PLEKHM3: variants seen among roughly 807,000 people sequenced by gnomAD.
PLEKHM3 encodes the protein pleckstrin homology domain-containing family M member 3.
A neutral mutation model predicts 81.8 loss-of-function variants in PLEKHM3; 45 were observed. The observed-to-expected ratio is 0.55, with a 90% confidence interval of 0.43 to 0.71. The LOEUF is 0.71. PLEKHM3 is among the 30% of genes least tolerant of loss of function. PLEKHM3 has a pLI of 0.00. For missense variants in PLEKHM3, 788 were observed against 924.3 expected (o/e 0.85, Z 1.91); for synonymous variants, 352 against 356.4 (o/e 0.99, Z 0.14).
At chr2:207,966,508 G>C (rs909783811) in intron 3 of PLEKHM3, among the ~76,000 whole-genome samples, 1 of 152,096 alleles carries the variant, frequency 6.6e-6, no homozygotes. Flanking sequence ...TGCATGCTAC[G>C]GTTTTTAGCT....
intron 2 of PLEKHM3, among the ~76,000 whole-genome samples, chr2:207,983,416 G>C (rs1574467822): frequency 6.6e-6 from 1 of 152,134 alleles, no homozygotes; most frequent in South Asian, 2.1e-4. Context: ...AGAGTCAACT[G>C]TAATATAATT....
chr2:208,008,836 G>C (rs1574488322), intron 1 of PLEKHM3, among the ~76,000 whole-genome samples: 1 of 152,152 alleles, frequency 6.6e-6, no homozygotes, highest in Non-Finnish European at 1.5e-5. Context: ...TCTCTGGCTA[G>C]AGCTACATGA....
chr2:207,888,862 G>C (rs894707308), intron 6 of PLEKHM3, among the ~76,000 whole-genome samples: 4 of 152,202 alleles, frequency 2.6e-5, no homozygotes, highest in Non-Finnish European at 5.9e-5. Context: ...AATAAACTCA[G>C]GGGCAATGCT....
chr2:207,858,862 G>T (rs1376744190), intron 7 of PLEKHM3, among the ~76,000 whole-genome samples: 1 of 152,050 alleles, frequency 6.6e-6, no homozygotes, highest in Non-Finnish European at 1.5e-5. Context: ...AATTTTTAGT[G>T]TAGTCATAAG....
intron 1 of PLEKHM3, among the ~76,000 whole-genome samples, chr2:208,013,475 C>T (rs1692771534): frequency 1.3e-5 from 2 of 151,906 alleles, no homozygotes; most frequent in South Asian, 4.2e-4. Context: ...GAGATCACAC[C>T]ACTGCACTCC....
At position 207,946,430 on chromosome 2, in the gene PLEKHM3, G is replaced by A. The variant is rs772055622; in HGVS notation, c.1629C>T (p.His543=). The A allele has an allele frequency of 3.0e-5, 49 of 1,614,008 alleles. No individual in the cohort carries two copies. Among genetic ancestry groups the A allele is most frequent in the Non-Finnish European group, 3.7e-5 (44 of 1,179,996 alleles). The change falls in exon 4 of 8, where the codon CAC becomes CAT. Residue 543 remains histidine (H), a synonymous_variant. Transcript: ENST00000427836. The part of the protein sequence containing the change: ...YSGWYYCSSC[H]VDDSFLIPAR... ...CTGGAATGAGAAAGCTGTCATCCAC[G>A]TGGCAGCTACTGCAGTAATACCACC...
rs574973770 is a variant in PLEKHM3 at position 207,821,575 on chromosome 2, G to C, written c.*6744C>G. Reference sequence around the variant, plus strand: ...TAACACAAAGTGATATAACAGCCCAGACCCAAAATTTTAGTCATTTCTGTA... The same window carrying C: ...TAACACAAAGTGATATAACAGCCCACACCCAAAATTTTAGTCATTTCTGTA... On this transcript the variant is annotated 3_prime_UTR_variant, in exon 8 of 8. Transcript: ENST00000427836. The C allele has an allele frequency of 6.6e-6, 1 of 152,176 alleles. No individual in the cohort carries two copies. Among genetic ancestry groups the C allele is most frequent in the African/African-American group, 2.4e-5 (1 of 41,526 alleles). The allele number at this position is 152,176 out of a possible 1,614,324, so 9.4% of individuals were successfully genotyped here. A position where few individuals can be genotyped will look rare whatever the true frequency, so the allele number is the denominator to read the frequency against.
chr2:207,931,021 C>T lies in PLEKHM3; in HGVS notation c.1791G>A (p.Pro597=), dbSNP rs776971298. ...GCCGCAGCCGCAGCACGGCGGCCAGCGGCTCTGCGTGGTGGTACAGCATGG... is the reference window on the plus strand; with the variant it reads ...GCCGCAGCCGCAGCACGGCGGCCAGTGGCTCTGCGTGGTGGTACAGCATGG... ...ENAMLYHHAE[P]LAAVLRLRQR... is the part of the protein sequence containing the mutation. Residue 597 remains proline, a synonymous_variant, in exon 5 of 8, where the codon CCG becomes CCA. Coordinates refer to ENST00000427836, the MANE Select transcript of PLEKHM3 (RefSeq NM_001080475.3). 37 of 1,613,880 alleles carry T rather than the reference C, an allele frequency of 2.3e-5. 1 individual carries two copies. In the South Asian group the frequency reaches 4.1e-4, roughly 18 times the overall value.
intron 5 of PLEKHM3, among the ~76,000 whole-genome samples, chr2:207,921,140 C>T (rs1340792385): frequency 1.3e-5 from 2 of 152,158 alleles, no homozygotes; most frequent in Non-Finnish European, 2.9e-5. Context: ...GTTCCGCCTC[C>T]TGGGTTCAAG....
At chr2:207,908,696 A>T in intron 5 of PLEKHM3, 119 bp from the exon 6 acceptor site, 1 of 815,658 alleles carries the variant, frequency 1.2e-6, no homozygotes, top group Non-Finnish European at 1.9e-6. Context: ...TTCCACCTAT[A>T]CTTCTCCTAA....
intron 7 of PLEKHM3, among the ~76,000 whole-genome samples, chr2:207,830,678 AAGAAGGACACTTCTTCT>A (rs1185605715): frequency 2.8e-5 from 4 of 143,902 alleles, no homozygotes; most frequent in Non-Finnish European, 6.2e-5. Context: ...GTGTCCTTAG[AAGAAGGACACTTCTTCT>A]AAGTGTCCTT....
At chr2:207,932,343 A>G (rs1470810132) in intron 4 of PLEKHM3, among the ~76,000 whole-genome samples, 2 of 152,344 alleles carry the variant, frequency 1.3e-5, no homozygotes, top group East Asian at 3.9e-4. Flanking sequence ...GAATCTCTAC[A>G]TACCAATCAC....
intron 6 of PLEKHM3, among the ~76,000 whole-genome samples, chr2:207,866,347 G>GT (rs1559213160): frequency 9.9e-4 from 151 of 152,226 alleles, no homozygotes; most frequent in African/African-American, 3.1e-3. Flanking sequence ...AGTAGAGGTG[G>GT]GGTTTCACCA....
intron 6 of PLEKHM3, among the ~76,000 whole-genome samples, chr2:207,894,662 A>C (rs1393387826): frequency 2.0e-5 from 3 of 152,180 alleles, no homozygotes; most frequent in Non-Finnish European, 2.9e-5. Context: ...AAACAGTCCA[A>C]TTTAGTGGTT....
Position 207,834,581 on chromosome 2 carries a change from A to G in PLEKHM3, c.2109-6085T>C, listed in dbSNP as rs575866457. 7.3e-5 allele frequency among the ~76,000 whole-genome samples: 11 copies of G among 151,334 alleles called. No individual in the cohort carries two copies. The East Asian group carries it at 2.1e-3, about 30-fold the overall frequency. On this transcript the variant is annotated intron_variant, in intron 7 of 7. Transcript: ENST00000427836. ...GCTGGGATTACAGGCATGTGCCACC[A>G]CGCCTGGCTAATTTTGTATTTTTAG... is the stretch of plus-strand genomic sequence containing the variant.
Position 207,977,317 on chromosome 2 carries a change from A to T in PLEKHM3, c.880T>A (p.Trp294Arg). Residue 294 changes from tryptophan to arginine, a missense_variant, in exon 3 of 8, where the codon TGG (tryptophan) becomes AGG (arginine). Transcript: ENST00000427836. ...TQLQLKAESP[W>R]EALDWGQKLW... ...TTCTGTCCCCAGTCCAAAGCCTCCC[A>T]TGGTGACTCTGCCTTTAGCTGTAGC... 1 of 1,614,190 alleles carries T rather than the reference A, an allele frequency of 6.2e-7. No individual in the cohort carries two copies. The highest frequency in any genetic ancestry group is 8.5e-7 in the Non-Finnish European group (1 of 1,180,042).
At chr2:207,844,552 C>T (rs769422189) in intron 7 of PLEKHM3, among the ~76,000 whole-genome samples, 59 of 152,082 alleles carry the variant, frequency 3.9e-4, no homozygotes, top group Non-Finnish European at 6.5e-4. Context: ...GTGATCCACC[C>T]GCCTAGGCCT....
intron 2 of PLEKHM3, among the ~76,000 whole-genome samples, chr2:207,981,696 T>C (rs992704963): frequency 6.6e-6 from 1 of 152,194 alleles, no homozygotes; most frequent in East Asian, 1.9e-4. Flanking sequence ...AAGCTATGTA[T>C]TTAAATCTAA....
rs373194023 is a variant in PLEKHM3, at chr2:207,828,439, G to A, written c.2166C>T (p.Cys722=). 35 of 1,614,014 alleles carry A rather than the reference G, an allele frequency of 2.2e-5. No homozygotes were observed. Among genetic ancestry groups the A allele is most frequent in the Non-Finnish European group, 3.0e-5 (35 of 1,180,038 alleles). The change falls in exon 8 of 8, where the codon TGC becomes TGT. Residue 722 remains cysteine (C), a synonymous_variant. Transcript: ENST00000427836. ...HSECKEKSVP[C]PRCVRRELQK... is the part of the protein sequence containing the mutation. ...GCAGCTCTCGGCGAACACACCTCGGGCAGGGGACAGACTTTTCTTTGCATT... is the reference window on the plus strand; with the variant it reads ...GCAGCTCTCGGCGAACACACCTCGGACAGGGGACAGACTTTTCTTTGCATT...
Sources: allele counts gnomAD v4.1 joint callset (sites outside exome capture counted in the v4.1 genomes callset), GRCh38; gene constraint gnomAD v4.1.1; transcripts MANE v1.5; gene names NCBI Gene and HGNC (gene_info 2026-07-23, HGNC 2026-07-21).